CAGE1: variants seen among roughly 807,000 people sequenced by gnomAD.
The protein encoded by CAGE1 is cancer-associated gene 1 protein.
A neutral mutation model predicts 94.9 loss-of-function variants in CAGE1; 66 were observed. That is an observed-to-expected ratio of 0.70 (90% CI 0.57 to 0.85). CAGE1 has a LOEUF of 0.85. CAGE1 is among the 40% of genes least tolerant of loss of function. The pLI is 0.00. For synonymous variants in CAGE1, 319 were observed against 321.0 expected, an observed-to-expected ratio of 0.99 and a Z score of 0.07; for missense variants, 865 against 950.4, an observed-to-expected ratio of 0.91 and a Z score of 1.18.
At chr6:7,382,970 T>C (rs773179457) in intron 3 of CAGE1, among the ~76,000 whole-genome samples, 1 of 152,168 alleles carries the variant, frequency 6.6e-6, no homozygotes, top group Non-Finnish European at 1.5e-5. Context: ...ATGGTTTGGC[T>C]CTGTGTTCCC....
Position 7,385,841 on chromosome 6 carries a change from T to A in CAGE1, c.227A>T (p.Glu76Val). Residue 76 changes from glutamate (E) to valine (V), a missense_variant, in exon 3 of 14, where the codon GAG becomes GTG. By Grantham distance (121) the Glu-to-Val change is moderately radical (BLOSUM62 -2). Coordinates refer to ENST00000502583, the MANE Select transcript of CAGE1 (RefSeq NM_001170692.2). ...NEIKNFERENEYESTLCEDAY... is the reference protein window; with the variant it reads ...NEIKNFERENVYESTLCEDAY... ...ATCTTCACAAAGTGTGGATTCATAC[T>A]CATTTTCCCTTTCAAAATTCTTTAT... is the stretch of plus-strand genomic sequence containing the variant. 6.5e-7 allele frequency: 1 copy of A among 1,540,300 alleles called. No homozygotes were observed. The highest frequency in any genetic ancestry group is 8.8e-7 in the Non-Finnish European group (1 of 1,142,830).
At chr6:7,368,918 G>A in intron 6 of CAGE1, 120 bp from the exon 7 acceptor site, 1 of 599,842 alleles carries the variant, frequency 1.7e-6, no homozygotes, top group Admixed American at 3.6e-5. Flanking sequence ...AATCAAAAGA[G>A]GTAAAATCAT....
intron 11 of CAGE1, among the ~76,000 whole-genome samples, chr6:7,335,209 G>T (rs1002507857): frequency 3.9e-5 from 6 of 152,138 alleles, no homozygotes; most frequent in Non-Finnish European, 8.8e-5. Flanking sequence ...GGCCCACTCA[G>T]ATAATCCAAA....
chr6:7,346,705 C>A (rs1039354219), intron 11 of CAGE1, among the ~76,000 whole-genome samples: 3 of 151,632 alleles, frequency 2.0e-5, no homozygotes, highest in Non-Finnish European at 4.4e-5. Context: ...AAAAAAATAG[C>A]CAGGTGTGGT....
At chr6:7,346,580 T>G (rs1759550539) in intron 11 of CAGE1, among the ~76,000 whole-genome samples, 1 of 143,656 alleles carries the variant, frequency 7.0e-6, no homozygotes. Flanking sequence ...GGCACGGTGG[T>G]TCACACCTGT....
At position 7,339,575 on chromosome 6, in the gene CAGE1, G is replaced by T. The variant is rs574404856; in HGVS notation, c.2370-5485C>A. On this transcript the variant is annotated intron_variant, in intron 11 of 13. Transcript: ENST00000502583. The surrounding 1 kb of genome is among the most constrained non-coding windows in gnomAD (Gnocchi z 4.7). ...TGGAAATTTGTAAGGCGATCTTGCCGCCATGCTCCGCTGAAAGGAAAGGCA... is the reference window on the plus strand; with the variant it reads ...TGGAAATTTGTAAGGCGATCTTGCCTCCATGCTCCGCTGAAAGGAAAGGCA... The T allele has an allele frequency of 1.3e-6, 1 of 752,012 alleles. No homozygotes were observed. The highest frequency in any genetic ancestry group is 2.5e-6 in the Non-Finnish European group (1 of 406,674). The allele number at this position is 752,012 out of a possible 1,614,324, so 46.6% of individuals were successfully genotyped here.
intron 13 of CAGE1, among the ~76,000 whole-genome samples, chr6:7,328,904 GTGTGTGTGTGTGTGTATATA>G (rs1758628575): frequency 3.2e-5 from 3 of 93,188 alleles, no homozygotes; most frequent in East Asian, 3.6e-4. Context: ...GTGTGTGTGT[GTGTGTGTGTGTGTGTATATA>G]TATATATATA....
At chr6:7,341,821 C>T (rs1190473421) in intron 11 of CAGE1, 14 of 677,516 alleles carry the variant, frequency 2.1e-5, no homozygotes, top group Admixed American at 1.1e-4. Flanking sequence ...TGGATCAAGT[C>T]GGGCAGGTGC....
At chr6:7,336,044 C>A (rs1247425902) in intron 11 of CAGE1, among the ~76,000 whole-genome samples, 4 of 152,164 alleles carry the variant, frequency 2.6e-5, no homozygotes, top group Non-Finnish European at 4.4e-5. Flanking sequence ...TATACTCTTT[C>A]TTTCAGAGAT....
intron 11 of CAGE1, among the ~76,000 whole-genome samples, chr6:7,346,865 AAAAAAG>A (rs67905557): frequency 0.38 from 57,065 of 151,226 alleles, 10,887 homozygotes; most frequent in Admixed American, 0.45. Context: ...CTCAAAAAAA[AAAAAAG>A]AAGAAAGAAA....
At chr6:7,382,454 A>G (rs1179613346) in intron 3 of CAGE1, among the ~76,000 whole-genome samples, 3 of 151,788 alleles carry the variant, frequency 2.0e-5, no homozygotes, top group Non-Finnish European at 4.4e-5. Flanking sequence ...GGCACGCGCC[A>G]CTATGCCCAG....
At chr6:7,344,453 G>T (rs768634045) in intron 11 of CAGE1, among the ~76,000 whole-genome samples, 4 of 152,236 alleles carry the variant, frequency 2.6e-5, no homozygotes, top group Non-Finnish European at 5.9e-5. Context: ...CTGCCTTCCC[G>T]CAGGGCAGGA....
chr6:7,366,511 G>T (rs759073370), intron 7 of CAGE1, among the ~76,000 whole-genome samples: 86 of 152,218 alleles, frequency 5.6e-4, no homozygotes, highest in Non-Finnish European at 1.1e-3. Flanking sequence ...TTCCTTCCAG[G>T]GGTCTGGAAT....
At chr6:7,384,490 G>A (rs528963434) in intron 3 of CAGE1, among the ~76,000 whole-genome samples, 17 of 151,682 alleles carry the variant, frequency 1.1e-4, no homozygotes, top group Admixed American at 6.6e-5. Context: ...TGTAGGGCCC[G>A]GTGTGGTGGC....
chr6:7,333,184 C>G (rs1045970281), intron 12 of CAGE1, among the ~76,000 whole-genome samples: 1 of 152,098 alleles, frequency 6.6e-6, no homozygotes, highest in Middle Eastern at 3.2e-3. Flanking sequence ...CTCTTGACCT[C>G]AAGTGATTCA....
rs771959214 is a variant in CAGE1 at position 7,373,836 on chromosome 6, C to T, written c.983G>A (p.Cys328Tyr). The stretch of plus-strand genomic sequence containing the variant: ...CCTCTTCTCTAAATACAGGTTACTA[C>T]ACTGGAGTTCTTGGATTCGCACTTC... ...KQEVRIQELQ[C>Y]SNLYLEKRVK... Residue 328 changes from cysteine (C) to tyrosine (Y), a missense_variant, in exon 5 of 14, where the codon TGT becomes TAT. Transcript: ENST00000502583. 9 of 1,613,818 alleles carry T rather than the reference C, an allele frequency of 5.6e-6. No homozygotes were observed. Among genetic ancestry groups the T allele is most frequent in the East Asian group, 2.2e-5 (1 of 44,894 alleles).
intron 12 of CAGE1, among the ~76,000 whole-genome samples, chr6:7,330,252 G>A (rs1758700635): frequency 6.6e-6 from 1 of 152,126 alleles, no homozygotes; most frequent in African/African-American, 2.4e-5. Flanking sequence ...CCTGGGCATG[G>A]TGGCACGCAC....
chr6:7,381,614 C>T (rs1760935327), intron 3 of CAGE1, among the ~76,000 whole-genome samples: 1 of 151,172 alleles, frequency 6.6e-6, no homozygotes, highest in East Asian at 1.9e-4. Context: ...TTGCAACCTC[C>T]ACCTCCTGGG....
chr6:7,362,562 G>T lies in CAGE1; in HGVS notation c.2193+2906C>A, dbSNP rs1247333307. 6.6e-6 allele frequency among the ~76,000 whole-genome samples: 1 copy of T among 152,212 alleles called. No individual in the cohort carries two copies. Among genetic ancestry groups the T allele is most frequent in the Non-Finnish European group, 1.5e-5 (1 of 68,028 alleles). ...GTGAATGGAGCAGATGGCAGGGTCAGAACTGTGAAGAGGAGCCAACGGCAA... is the reference window on the plus strand; with the variant it reads ...GTGAATGGAGCAGATGGCAGGGTCATAACTGTGAAGAGGAGCCAACGGCAA... On this transcript the variant is annotated intron_variant, in intron 9 of 13. Transcript: ENST00000502583. The surrounding 1 kb of genome is among the most constrained non-coding windows in gnomAD (Gnocchi z 4.1).
Sources: gnomAD v4.1 joint callset for allele counts (sites outside exome capture counted in the v4.1 genomes callset) on GRCh38, gnomAD v4.1.1 for gene constraint, Gnocchi (gnomAD v3.1) non-coding constraint, MANE v1.5 for transcripts, NCBI Gene and HGNC (gene_info 2026-07-23, HGNC 2026-07-21) for gene names.